Variants in TFCP2 observed in about 807,000 individuals in gnomAD.
The protein encoded by TFCP2 is alpha-globin transcription factor CP2.
In TFCP2, 33 loss-of-function variants were observed where a neutral mutation model predicts 73.4. That is an observed-to-expected ratio of 0.45 (90% CI 0.34 to 0.60). The LOEUF (loss-of-function observed/expected upper bound fraction) is 0.60. Ranked by LOEUF, TFCP2 falls within the 20% of genes least tolerant of loss-of-function variation. The pLI, the probability that TFCP2 is intolerant of heterozygous loss-of-function variation, is 0.01. For synonymous variants in TFCP2, 193 were observed against 211.6 expected (o/e 0.91, Z 0.76); for missense variants, 352 against 604.0 (o/e 0.58, Z 4.37).
intron 1 of TFCP2, among the ~76,000 whole-genome samples, chr12:51,147,111 A>G (rs1013262406): frequency 3.3e-5 from 5 of 152,182 alleles, no homozygotes; most frequent in South Asian, 4.1e-4. Flanking sequence ...GGGAGCCCAA[A>G]GCAGGCAGAT....
intron 1 of TFCP2, among the ~76,000 whole-genome samples, chr12:51,146,716 C>T (rs149261234): frequency 1.3e-5 from 2 of 152,270 alleles, no homozygotes; most frequent in Non-Finnish European, 2.9e-5. Flanking sequence ...CCAAATCTTA[C>T]CCTTCTTTCA....
intron 1 of TFCP2, among the ~76,000 whole-genome samples, chr12:51,168,495 G>T (rs1941797126): frequency 6.6e-6 from 1 of 151,634 alleles, no homozygotes; most frequent in South Asian, 2.1e-4. Flanking sequence ...TTTGGTTTTT[G>T]TTTTTTTGAG....
intron 14 of TFCP2, 145 bp from the exon 15 acceptor site, chr12:51,095,423 A>C: frequency 1.3e-6 from 1 of 796,024 alleles, no homozygotes; most frequent in African/African-American, 1.7e-5. Context: ...ACTGGACTCC[A>C]GCTTGGGCAA....
intron 1 of TFCP2, among the ~76,000 whole-genome samples, chr12:51,169,487 C>T (rs1408112169): frequency 2.0e-5 from 3 of 149,464 alleles, no homozygotes; most frequent in Non-Finnish European, 4.4e-5. Context: ...GGCAACAGAG[C>T]GAGACTCCAT....
chr12:51,129,295 C>T (rs1372964704), intron 1 of TFCP2, among the ~76,000 whole-genome samples: 5 of 151,814 alleles, frequency 3.3e-5, no homozygotes, highest in South Asian at 2.1e-4. Context: ...GGGCGGATCA[C>T]GAGGTCAGGA....
intron 13 of TFCP2, 98 bp downstream of exon 13, chr12:51,098,678 C>G: frequency 7.2e-7 from 1 of 1,383,588 alleles, no homozygotes; most frequent in East Asian, 2.3e-5. Flanking sequence ...ACCCTCTGAT[C>G]TAGAAAACAG....
intron 1 of TFCP2, among the ~76,000 whole-genome samples, chr12:51,164,643 T>C (rs1183914675): frequency 6.1e-5 from 9 of 147,752 alleles, no homozygotes; most frequent in Non-Finnish European, 1.3e-4. Flanking sequence ...TCAGACTGAC[T>C]GGGAGAAAAA....
chr12:51,100,890 A>C (rs17125367), intron 11 of TFCP2, among the ~76,000 whole-genome samples: 11,503 of 152,322 alleles, frequency 0.076, 495 homozygotes, highest in Middle Eastern at 0.11. Flanking sequence ...TCACTGATTT[A>C]GTTCTGTTGC....
chr12:51,131,688 C>T (rs746121844), intron 1 of TFCP2, among the ~76,000 whole-genome samples: 35 of 152,150 alleles, frequency 2.3e-4, no homozygotes, highest in Non-Finnish European at 2.1e-4. Flanking sequence ...TTTTTTCACT[C>T]AAGGTGGCCT....
At chr12:51,124,711 G>T in intron 1 of TFCP2, 1 of 678,666 alleles carries the variant, frequency 1.5e-6, no homozygotes, top group Non-Finnish European at 2.8e-6. Flanking sequence ...TTGGCAATCA[G>T]CTCGGTTGCC....
chr12:51,134,326 C>A (rs1941015627), intron 1 of TFCP2, among the ~76,000 whole-genome samples: 1 of 152,068 alleles, frequency 6.6e-6, no homozygotes, highest in Admixed American at 6.5e-5. Flanking sequence ...GCTCTATTGC[C>A]CAGGCTGGAG....
intron 1 of TFCP2, among the ~76,000 whole-genome samples, chr12:51,146,261 T>C (rs1415200372): frequency 6.6e-6 from 1 of 151,672 alleles, no homozygotes; most frequent in Non-Finnish European, 1.5e-5. Context: ...TGAGTCAAGC[T>C]TGTGCCACTA....
chr12:51,122,537 G>C (rs959539723), intron 1 of TFCP2, among the ~76,000 whole-genome samples: 1 of 152,040 alleles, frequency 6.6e-6, no homozygotes, highest in Non-Finnish European at 1.5e-5. Flanking sequence ...GGGATTACAG[G>C]TGTGAGCCAC....
At chr12:51,114,076 A>G (rs1002001813) in intron 4 of TFCP2, among the ~76,000 whole-genome samples, 1 of 152,212 alleles carries the variant, frequency 6.6e-6, no homozygotes, top group African/African-American at 2.4e-5. Flanking sequence ...GGGAATTAAA[A>G]AAAATTAGAT....
At chr12:51,135,253 C>T (rs576835886) in intron 1 of TFCP2, among the ~76,000 whole-genome samples, 167 of 151,664 alleles carry the variant, frequency 1.1e-3, no homozygotes, top group African/African-American at 4.0e-3. Flanking sequence ...GTAGTGAAAC[C>T]CCATCTCTAC....
chr12:51,147,942 G>GA (rs1366121917), intron 1 of TFCP2, among the ~76,000 whole-genome samples: 10 of 151,430 alleles, frequency 6.6e-5, no homozygotes, highest in Non-Finnish European at 1.2e-4. Context: ...AAATCAGCTA[G>GA]AAAAAAAACA....
At chr12:51,113,539 GA>G (rs946248357) in intron 4 of TFCP2, among the ~76,000 whole-genome samples, 3 of 152,086 alleles carry the variant, frequency 2.0e-5, no homozygotes, top group African/African-American at 4.8e-5. Flanking sequence ...GCATGCTGGG[GA>G]AAAAAGTCTG....
chr12:51,130,644 A>G (rs1308086295), intron 1 of TFCP2, among the ~76,000 whole-genome samples: 1 of 152,192 alleles, frequency 6.6e-6, no homozygotes, highest in Non-Finnish European at 1.5e-5. Context: ...GATAACTATA[A>G]AAGCCTATAT....
At chr12:51,152,510 G>A (rs1369451887) in intron 1 of TFCP2, among the ~76,000 whole-genome samples, 2 of 152,132 alleles carry the variant, frequency 1.3e-5, no homozygotes, top group Non-Finnish European at 2.9e-5. Flanking sequence ...TTAAGTTCCC[G>A]ATTTTGATCA....
Sources: allele counts gnomAD v4.1 joint callset (sites outside exome capture counted in the v4.1 genomes callset), GRCh38; gene constraint gnomAD v4.1.1; transcripts MANE v1.5; gene names NCBI Gene and HGNC (gene_info 2026-07-23, HGNC 2026-07-21).